The following EVC2 variants were observed in gnomAD, a reference collection of about 807,000 sequenced individuals.
EVC2 encodes the protein limbin.
A neutral mutation model predicts 149.3 loss-of-function variants in EVC2; 148 were observed. That is an observed-to-expected ratio of 0.99 (90% CI 0.87 to 1.14). EVC2 has a LOEUF of 1.14. EVC2 is among the 50% of genes most tolerant of loss of function. EVC2 has a pLI of 0.00. For missense variants in EVC2, 1,854 were observed against 1,627.3 expected (o/e 1.14, Z -2.40); for synonymous variants, 776 against 649.9 (o/e 1.19, Z -2.95).
intron 21 of EVC2, among the ~76,000 whole-genome samples, chr4:5,546,998 C>A (rs1003570455): frequency 2.0e-5 from 3 of 152,206 alleles, no homozygotes; most frequent in Non-Finnish European, 4.4e-5. Context: ...AGGAGCCCCA[C>A]CCCTGTGGCC....
chr4:5,656,854 T>C (rs930683901), intron 9 of EVC2, among the ~76,000 whole-genome samples: 4 of 152,176 alleles, frequency 2.6e-5, no homozygotes, highest in African/African-American at 9.7e-5. Context: ...AGCCACAGGA[T>C]ACTAATACAG....
intron 16 of EVC2, among the ~76,000 whole-genome samples, chr4:5,596,832 A>C (rs970941189): frequency 1.3e-5 from 2 of 152,212 alleles, no homozygotes; most frequent in African/African-American, 4.8e-5. Flanking sequence ...ACTAATAAAG[A>C]AGAAAAGAGA....
At chr4:5,610,757 T>G (rs1714750304) in intron 16 of EVC2, among the ~76,000 whole-genome samples, 1 of 151,832 alleles carries the variant, frequency 6.6e-6, no homozygotes, top group African/African-American at 2.4e-5. Flanking sequence ...CGTGTTCTTC[T>G]TGGTCAGTGT....
chr4:5,682,124 G>C (rs1720387742), intron 6 of EVC2, among the ~76,000 whole-genome samples: 1 of 152,152 alleles, frequency 6.6e-6, no homozygotes, highest in African/African-American at 2.4e-5. Context: ...TGGCACTAGG[G>C]AATGCTATAA....
intron 16 of EVC2, among the ~76,000 whole-genome samples, chr4:5,588,619 A>AT (rs1365733022): frequency 2.6e-5 from 4 of 151,762 alleles, no homozygotes; most frequent in Admixed American, 1.3e-4. Context: ...AAGCTAACTA[A>AT]TTTTTTTCTG....
intron 9 of EVC2, among the ~76,000 whole-genome samples, chr4:5,654,616 T>C (rs1718380049): frequency 6.6e-6 from 1 of 152,132 alleles, no homozygotes; most frequent in Non-Finnish European, 1.5e-5. Flanking sequence ...GCTGGAGTTT[T>C]GCTGATGTTT....
At chr4:5,589,690 T>G (rs1030304261) in intron 16 of EVC2, among the ~76,000 whole-genome samples, 1 of 152,192 alleles carries the variant, frequency 6.6e-6, no homozygotes, top group African/African-American at 2.4e-5. Context: ...GGGATCAGTT[T>G]TGTCTGCTGT....
At chr4:5,702,187 C>G (rs1560239648) in intron 1 of EVC2, among the ~76,000 whole-genome samples, 1 of 152,158 alleles carries the variant, frequency 6.6e-6, no homozygotes, top group African/African-American at 2.4e-5. Flanking sequence ...ATCCGCTCAG[C>G]TGTCACCTCC....
At chr4:5,688,551 T>C (rs1466218856) in intron 5 of EVC2, among the ~76,000 whole-genome samples, 1 of 152,264 alleles carries the variant, frequency 6.6e-6, no homozygotes, top group Admixed American at 6.5e-5. Flanking sequence ...AATCCCAGAA[T>C]TGGTCTTAAA....
rs1438143796 is a variant in EVC2, at chr4:5,569,818, G to T, written c.3361-1178C>A. Among the ~76,000 whole-genome samples, 1 of 152,060 alleles carries T rather than the reference G, an allele frequency of 6.6e-6. No homozygotes were observed. Among genetic ancestry groups the T allele is most frequent in the South Asian group, 2.1e-4 (1 of 4,798 alleles). On this transcript the variant is annotated intron_variant, in intron 19 of 21. Transcript: ENST00000344408. The surrounding 1 kb of genome is among the most constrained non-coding windows in gnomAD (Gnocchi z 4.8). ...GACCTTGGTAAGTGCTTTCAGTGAA[G>T]GCACGAGGAAAGGTGCTGTTCCAAA...
intron 7 of EVC2, among the ~76,000 whole-genome samples, chr4:5,672,444 G>A (rs2151715037): frequency 6.6e-6 from 1 of 152,288 alleles, no homozygotes; most frequent in East Asian, 1.9e-4. Context: ...TATGACTTCA[G>A]CCTGGAGGAA....
At chr4:5,548,646 T>C (rs896887737) in intron 21 of EVC2, among the ~76,000 whole-genome samples, 13 of 152,146 alleles carry the variant, frequency 8.5e-5, no homozygotes, top group African/African-American at 3.1e-4. Context: ...ATTATTGTTA[T>C]GTGAAATGGA....
At chr4:5,628,458 T>C in intron 12 of EVC2, 101 bp downstream of exon 12, 1 of 1,452,960 alleles carries the variant, frequency 6.9e-7, no homozygotes, top group South Asian at 1.2e-5. Context: ...GAACCAAATA[T>C]ATCTCTTCTA....
At chr4:5,543,122 G>A in exon 22 of EVC2, 1 of 1,289,548 alleles carries the variant, frequency 7.8e-7, no homozygotes, top group Non-Finnish European at 1.0e-6. Context: ...CAAACTTGCA[G>A]GTAAGTTCTC....
upstream of EVC2, chr4:5,708,707 G>C: frequency 4.3e-6 from 2 of 465,336 alleles, no homozygotes; most frequent in Non-Finnish European, 7.4e-6. Context: ...GAGCGAGTTG[G>C]CGCGGCCCAG....
intron 8 of EVC2, among the ~76,000 whole-genome samples, chr4:5,663,794 A>G (rs922407298): frequency 8.5e-5 from 13 of 152,048 alleles, no homozygotes; most frequent in African/African-American, 3.1e-4. Context: ...GGTGGCAGGC[A>G]CCTGTAATCC....
intron 9 of EVC2, among the ~76,000 whole-genome samples, chr4:5,660,746 G>T (rs528421318): frequency 1.3e-5 from 2 of 152,090 alleles, no homozygotes; most frequent in Non-Finnish European, 2.9e-5. Flanking sequence ...TCTAGGTTAC[G>T]GGTTCCCCAT....
intron 16 of EVC2, 63 bp from the exon 17 acceptor site, chr4:5,584,913 A>G: frequency 6.4e-7 from 1 of 1,552,732 alleles, no homozygotes; most frequent in Non-Finnish European, 8.8e-7. Context: ...GTGGAGGAGA[A>G]CAAACAGCCT....
intron 20 of EVC2, among the ~76,000 whole-genome samples, chr4:5,566,835 G>A (rs1377537894): frequency 6.6e-6 from 1 of 152,142 alleles, no homozygotes; most frequent in East Asian, 1.9e-4. Context: ...TAGGCAGGCA[G>A]AAGTGGCCTC....
Sources: allele counts gnomAD v4.1 joint callset (sites outside exome capture counted in the v4.1 genomes callset), GRCh38; gene constraint gnomAD v4.1.1; non-coding constraint Gnocchi (gnomAD v3.1); transcripts MANE v1.5; gene names NCBI Gene and HGNC (gene_info 2026-07-23, HGNC 2026-07-21).